GPC5: variants seen among roughly 807,000 people sequenced by gnomAD.
GPC5 encodes the protein glypican-5.
A neutral mutation model predicts 53.9 loss-of-function variants in GPC5; 47 were observed. The observed-to-expected ratio is 0.87, with a 90% CI of 0.69 to 1.11. The LOEUF (loss-of-function observed/expected upper bound fraction) is 1.11, where lower values mean the gene tolerates loss of function less well. GPC5 is among the 50% of genes most tolerant of loss of function. GPC5 has a pLI of 0.00. For synonymous variants in GPC5, 286 were observed against 263.3 expected, an observed-to-expected ratio of 1.09 and a Z score of -0.84; for missense variants, 748 against 713.1, an observed-to-expected ratio of 1.05 and a Z score of -0.56.
chr13:92,084,997 C>A (rs186139527), intron 6 of GPC5, among the ~76,000 whole-genome samples: 2 of 152,118 alleles, frequency 1.3e-5, no homozygotes, highest in African/African-American at 4.8e-5. Flanking sequence ...TCATAGATGG[C>A]GACTTCTGTG....
At chr13:91,585,893 A>T (rs1263608220) in intron 2 of GPC5, among the ~76,000 whole-genome samples, 1 of 152,160 alleles carries the variant, frequency 6.6e-6, no homozygotes, top group East Asian at 1.9e-4. Flanking sequence ...GAAAAAAGAA[A>T]AAACAAGAAA....
chr13:91,820,148 T>C (rs1185205144), intron 5 of GPC5, among the ~76,000 whole-genome samples: 1 of 152,108 alleles, frequency 6.6e-6, no homozygotes, highest in Non-Finnish European at 1.5e-5. Context: ...TATTTAGTTA[T>C]TTTTTAAAAA....
intron 7 of GPC5, among the ~76,000 whole-genome samples, chr13:92,207,968 A>G (rs531802126): frequency 2.7e-4 from 41 of 152,316 alleles, no homozygotes; most frequent in Admixed American, 2.1e-3. Context: ...TCCCCCATGT[A>G]CAGAGCTGCC....
At chr13:92,020,478 A>C (rs534162170) in intron 6 of GPC5, among the ~76,000 whole-genome samples, 2 of 151,922 alleles carry the variant, frequency 1.3e-5, no homozygotes, top group African/African-American at 4.8e-5. Flanking sequence ...CCTCACCAAC[A>C]CTTGTCTATT....
Position 92,427,793 on chromosome 13 carries a change from A to G in GPC5, c.1561+282804A>G, listed in dbSNP as rs935227782. ...TTGTAAAATAAATCCAAAGATCTCA[A>G]TTAGTGATAGGAATTCACTTTGATC... On this transcript the variant is annotated intron_variant, in intron 7 of 7. Transcript: ENST00000377067. 3.9e-5 allele frequency among the ~76,000 whole-genome samples: 6 copies of G among 152,166 alleles called. No homozygotes were observed. The South Asian group carries it at 8.3e-4, about 21-fold the overall frequency.
intron 5 of GPC5, among the ~76,000 whole-genome samples, chr13:91,899,994 A>T (rs1292380048): frequency 1.3e-5 from 2 of 152,130 alleles, no homozygotes; most frequent in Non-Finnish European, 2.9e-5. Flanking sequence ...TGGTTTTATT[A>T]TATCATGTGT....
At chr13:92,720,714 T>C (rs1455419651) in intron 7 of GPC5, among the ~76,000 whole-genome samples, 2 of 152,096 alleles carry the variant, frequency 1.3e-5, no homozygotes, top group African/African-American at 4.8e-5. Context: ...GTCATGGTCA[T>C]AGAAAAAAAG....
chr13:92,570,600 T>C (rs1340151716), intron 7 of GPC5, among the ~76,000 whole-genome samples: 3 of 152,126 alleles, frequency 2.0e-5, no homozygotes, highest in Non-Finnish European at 4.4e-5. Flanking sequence ...TTAGTTGATA[T>C]AATTAACCTT....
intron 6 of GPC5, among the ~76,000 whole-genome samples, chr13:91,942,548 A>G (rs913630507): frequency 1.2e-4 from 19 of 152,080 alleles, no homozygotes; most frequent in Admixed American, 5.9e-4. Flanking sequence ...TTCAAAATCA[A>G]TAAAAACTCA....
At chr13:92,045,306 G>A (rs2040973253) in intron 6 of GPC5, among the ~76,000 whole-genome samples, 1 of 152,188 alleles carries the variant, frequency 6.6e-6, no homozygotes, top group South Asian at 2.1e-4. Context: ...AGGAGAAAGA[G>A]AAGCAATATA....
At chr13:92,126,827 T>C (rs887067929) in intron 6 of GPC5, among the ~76,000 whole-genome samples, 1 of 150,822 alleles carries the variant, frequency 6.6e-6, no homozygotes, top group African/African-American at 2.4e-5. Context: ...AGTGTGTGTG[T>C]GTGTGTGTAT....
chr13:92,259,026 TC>T (rs942787830), intron 7 of GPC5, among the ~76,000 whole-genome samples: 2 of 152,196 alleles, frequency 1.3e-5, no homozygotes, highest in African/African-American at 4.8e-5. Flanking sequence ...CATATACCAT[TC>T]AAGGGAGTAT....
intron 7 of GPC5, among the ~76,000 whole-genome samples, chr13:92,464,005 G>A (rs531841356): frequency 6.6e-6 from 1 of 152,258 alleles, no homozygotes; most frequent in South Asian, 2.1e-4. Flanking sequence ...TATATGTTAG[G>A]TAGCACTAAG....
intron 7 of GPC5, among the ~76,000 whole-genome samples, chr13:92,563,418 AT>A (rs1311850152): frequency 3.3e-5 from 5 of 151,962 alleles, no homozygotes; most frequent in African/African-American, 7.2e-5. Flanking sequence ...AATTTTTCAC[AT>A]TTTTTAATGC....
chr13:92,299,103 G>C (rs1045544135), intron 7 of GPC5, among the ~76,000 whole-genome samples: 1 of 152,098 alleles, frequency 6.6e-6, no homozygotes, highest in Non-Finnish European at 1.5e-5. Flanking sequence ...GAATTGTAAA[G>C]AGTGCCTTTA....
At chr13:91,704,845 C>T (rs1007163730) in intron 3 of GPC5, among the ~76,000 whole-genome samples, 17 of 152,210 alleles carry the variant, frequency 1.1e-4, no homozygotes, top group Non-Finnish European at 2.5e-4. Context: ...TCTTTCCACA[C>T]CTGTGATCAT....
chr13:91,940,839 GTTAT>G (rs2039919988), intron 6 of GPC5, among the ~76,000 whole-genome samples: 1 of 151,894 alleles, frequency 6.6e-6, no homozygotes, highest in East Asian at 1.9e-4. Context: ...TTTTAATGGG[GTTAT>G]TTGTTTTTTG....
intron 7 of GPC5, among the ~76,000 whole-genome samples, chr13:92,700,925 A>ATCTT (rs752494654): frequency 6.6e-6 from 1 of 152,068 alleles, no homozygotes; most frequent in Non-Finnish European, 1.5e-5. Flanking sequence ...GGTTACAGGT[A>ATCTT]TCTTTCTTAG....
intron 6 of GPC5, among the ~76,000 whole-genome samples, chr13:92,072,008 G>A (rs1350932952): frequency 7.0e-6 from 1 of 143,244 alleles, no homozygotes; most frequent in Non-Finnish European, 1.5e-5. Flanking sequence ...TGTATTGATA[G>A]GTATTTATAT....
Sources: gnomAD v4.1 joint callset for allele counts (sites outside exome capture counted in the v4.1 genomes callset) on GRCh38, gnomAD v4.1.1 for gene constraint, MANE v1.5 for transcripts, NCBI Gene and HGNC (gene_info 2026-07-23, HGNC 2026-07-21) for gene names.